Variants in SRPX observed in about 807,000 individuals in gnomAD.
The protein encoded by SRPX is sushi repeat containing protein X-linked, also known as sushi repeat-containing protein SRPX.
A neutral mutation model predicts 38.1 loss-of-function variants in SRPX; 24 were observed. That is an observed-to-expected ratio of 0.63 (90% CI 0.46 to 0.89). SRPX has a LOEUF of 0.89. Among genes scored for constraint, SRPX ranks in the 40% least tolerant of loss-of-function variants. SRPX has a pLI of 0.00. For missense variants in SRPX, 416 were observed against 377.8 expected (o/e 1.10, Z -0.84); for synonymous variants, 184 against 153.8 (o/e 1.20, Z -1.45).
chrX:38,190,988 C>A (rs192347865), intron 1 of SRPX, among the ~76,000 whole-genome samples: 2 of 111,238 alleles, frequency 1.8e-5, no homozygotes, highest in Non-Finnish European at 1.9e-5. Context: ...AAGCTGCCAA[C>A]GACAAAGATT....
chrX:38,220,844 GGCA>G lies in SRPX; in HGVS notation c.-55_-53del. On this transcript the variant is annotated 5_prime_UTR_variant, in exon 1 of 10. Transcript: ENST00000378533. ...GCAGCGCAGCGCGCTTCCCGGGGGC[GGCA>G]GGAGACCGAAGAGACCAAGGGACTG... The G allele has an allele frequency of 9.4e-7, 1 of 1,063,311 alleles. No individual in the cohort carries two copies. The allele number at this position is 1,063,311 out of a possible 1,213,427, so 87.6% of individuals were successfully genotyped here.
chrX:38,212,670 A>C (rs911870510), intron 1 of SRPX, among the ~76,000 whole-genome samples: 1 of 111,578 alleles, frequency 9.0e-6, no homozygotes, highest in Non-Finnish European at 1.9e-5. Context: ...CACAAGCTCT[A>C]AAAGAATATG....
At chrX:38,217,457 T>C (rs1036024996) in intron 1 of SRPX, among the ~76,000 whole-genome samples, 3 of 110,838 alleles carry the variant, frequency 2.7e-5, no homozygotes, top group Non-Finnish European at 5.7e-5. Flanking sequence ...AGAAGGAAAA[T>C]GTGACTCAGG....
At chrX:38,173,375 CT>C (rs1041857262) in intron 3 of SRPX, among the ~76,000 whole-genome samples, 1 of 112,182 alleles carries the variant, frequency 8.9e-6, no homozygotes, top group Non-Finnish European at 1.9e-5. Flanking sequence ...GGCACACTCA[CT>C]TTCATAAATA....
intron 1 of SRPX, among the ~76,000 whole-genome samples, chrX:38,206,204 G>A (rs1401361820): frequency 1.8e-5 from 2 of 112,035 alleles, no homozygotes; most frequent in Non-Finnish European, 3.8e-5. Flanking sequence ...CTGCAGAGAG[G>A]CAGAGAGAGG....
intron 1 of SRPX, among the ~76,000 whole-genome samples, chrX:38,191,147 A>G (rs1938896213): frequency 8.9e-6 from 1 of 112,112 alleles, no homozygotes; most frequent in South Asian, 3.8e-4. Context: ...CTGCCCTAAC[A>G]TAAGATGATA....
chrX:38,151,832 A>T (rs1488123722), intron 9 of SRPX, among the ~76,000 whole-genome samples: 1 of 111,056 alleles, frequency 9.0e-6, no homozygotes, highest in Non-Finnish European at 1.9e-5. Context: ...AACACTGTAG[A>T]CTCAAAGAAT....
At chrX:38,200,645 A>G (rs760816326) in intron 1 of SRPX, among the ~76,000 whole-genome samples, 1 of 111,689 alleles carries the variant, frequency 9.0e-6, no homozygotes, top group South Asian at 3.8e-4. Context: ...CAGAAAGGGA[A>G]AGAGGAGGCA....
chrX:38,151,597 A>G (rs1347435199), intron 9 of SRPX, among the ~76,000 whole-genome samples: 1 of 111,612 alleles, frequency 9.0e-6, no homozygotes, highest in Non-Finnish European at 1.9e-5. Flanking sequence ...CACAGAATGT[A>G]AAGAGGGAAA....
rs180908987 is a variant in SRPX, at chrX:38,182,907, T to C, written c.98-4563A>G. 2.7e-5 allele frequency among the ~76,000 whole-genome samples: 3 copies of C among 112,030 alleles called. No individual in the cohort carries two copies. The Admixed American group carries it at 2.8e-4, about 11-fold the overall frequency. On this transcript the variant is annotated intron_variant, in intron 1 of 9. Transcript: ENST00000378533. ...TCACCAGACTACAACATCAACCTTA[T>C]ACATCTTACCTCCACAATTCTTGTT...
At chrX:38,163,554 A>T (rs1002497629) in intron 5 of SRPX, among the ~76,000 whole-genome samples, 2 of 111,756 alleles carry the variant, frequency 1.8e-5, no homozygotes, top group African/African-American at 6.5e-5. Flanking sequence ...ACAGGCCCAA[A>T]TGCTAGATTA....
At chrX:38,200,675 G>GAACCCATTCTTGAGATAACTAAC (rs1346412744) in intron 1 of SRPX, among the ~76,000 whole-genome samples, 1 of 111,324 alleles carries the variant, frequency 9.0e-6, no homozygotes, top group Non-Finnish European at 1.9e-5. Context: ...CTTTTATCAG[G>GAACCCATTCTTGAGATAACTAAC]AACCCATTCT....
chrX:38,160,989 G>C lies in SRPX; in HGVS notation c.719C>G (p.Thr240Arg), dbSNP rs1008981230. Residue 240 changes from threonine (T) to arginine (R), a missense_variant, in exon 6 of 10, where the codon ACA becomes AGA. Thr to Arg is a moderately conservative substitution (Grantham distance 71). Transcript: ENST00000378533. ...CTTATTCTCAGCTCTGTCATAGACT[G>C]TGTACTGGATCTTGTGGTCTCCTTC... ...FPEGDHKIQY[T>R]VYDRAENKGT... 4.1e-6 allele frequency: 5 copies of C among 1,208,468 alleles called. No homozygotes were observed. The highest frequency in any genetic ancestry group is 1.8e-5 in the African/African-American group (1 of 56,976).
At chrX:38,215,537 A>G (rs748808686) in intron 1 of SRPX, among the ~76,000 whole-genome samples, 19 of 112,288 alleles carry the variant, frequency 1.7e-4, no homozygotes, top group Non-Finnish European at 3.0e-4. Flanking sequence ...GAGCCTTCGC[A>G]ATTAACTATG....
At chrX:38,219,185 G>A (rs1364815780) in intron 1 of SRPX, among the ~76,000 whole-genome samples, 1 of 110,667 alleles carries the variant, frequency 9.0e-6, no homozygotes, top group Non-Finnish European at 1.9e-5. Flanking sequence ...GGAGAGGGGA[G>A]GGCAGGGGAG....
At chrX:38,151,748 C>T (rs1332877650) in intron 9 of SRPX, among the ~76,000 whole-genome samples, 1 of 111,216 alleles carries the variant, frequency 9.0e-6, no homozygotes, top group East Asian at 2.8e-4. Context: ...AGGTGTGATG[C>T]CGACAGTATG....
intron 4 of SRPX, among the ~76,000 whole-genome samples, chrX:38,171,445 A>G (rs1394079339): frequency 9.0e-6 from 1 of 111,550 alleles, no homozygotes; most frequent in Non-Finnish European, 1.9e-5. Context: ...AAGGCAAAAT[A>G]TCCAAATCCC....
chrX:38,211,149 C>A (rs754485173), intron 1 of SRPX, among the ~76,000 whole-genome samples: 8 of 112,318 alleles, frequency 7.1e-5, no homozygotes, highest in African/African-American at 2.6e-4. Flanking sequence ...AATTTTATAT[C>A]ATTTTCATTT....
Position 38,220,864 on chromosome X carries a change from A to G in SRPX, c.-72T>C. 9.5e-7 allele frequency: 1 copy of G among 1,049,893 alleles called. No individual in the cohort carries two copies. Among genetic ancestry groups the G allele is most frequent in the Non-Finnish European group, 1.2e-6 (1 of 824,226 alleles). The allele number at this position is 1,049,893 out of a possible 1,213,427, so 86.5% of individuals were successfully genotyped here. A position where few individuals can be genotyped will look rare whatever the true frequency, so the allele number is the denominator to read the frequency against. On this transcript the variant is annotated 5_prime_UTR_variant, in exon 1 of 10. Transcript: ENST00000378533. ...GGGGCGGCAGGAGACCGAAGAGACC[A>G]AGGGACTGCGTGCTAGCGGGCGGGC... is the stretch of plus-strand genomic sequence containing the variant.
Sources: gnomAD v4.1 joint callset for allele counts (sites outside exome capture counted in the v4.1 genomes callset) on GRCh38, gnomAD v4.1.1 for gene constraint, MANE v1.5 for transcripts, NCBI Gene and HGNC (gene_info 2026-07-23, HGNC 2026-07-21) for gene names.